Variants in RNF13 observed in about 807,000 individuals in gnomAD.
The protein encoded by RNF13 is E3 ubiquitin-protein ligase RNF13.
A neutral mutation model predicts 37.7 loss-of-function variants in RNF13; 19 were observed. The observed-to-expected ratio is 0.50, with a 90% confidence interval of 0.35 to 0.74. The LOEUF is 0.74. Ranked by LOEUF, RNF13 falls within the 30% of genes least tolerant of loss-of-function variation. The pLI is 0.01. For missense variants in RNF13, 375 were observed against 453.0 expected, an observed-to-expected ratio of 0.83 and a Z score of 1.56; for synonymous variants, 144 against 157.8, an observed-to-expected ratio of 0.91 and a Z score of 0.65.
intron 4 of RNF13, among the ~76,000 whole-genome samples, chr3:149,873,921 TA>T (rs1185060016): frequency 6.6e-6 from 1 of 152,198 alleles, no homozygotes; most frequent in Non-Finnish European, 1.5e-5. Flanking sequence ...CAATTTGTAT[TA>T]TAGTGTGTGG....
intron 3 of RNF13, among the ~76,000 whole-genome samples, chr3:149,855,371 C>T (rs1014964316): frequency 6.6e-6 from 1 of 151,242 alleles, no homozygotes; most frequent in African/African-American, 2.4e-5. Flanking sequence ...CCTACTTCTT[C>T]TGTTTTAGAA....
At chr3:149,951,125 T>C (rs1304034292) in intron 8 of RNF13, among the ~76,000 whole-genome samples, 2 of 152,090 alleles carry the variant, frequency 1.3e-5, no homozygotes, top group African/African-American at 4.8e-5. Flanking sequence ...CCTGGAAGTG[T>C]TTTAACTCTC....
chr3:149,948,908 G>A (rs1173562035), intron 8 of RNF13, among the ~76,000 whole-genome samples: 2 of 152,004 alleles, frequency 1.3e-5, no homozygotes, highest in Admixed American at 1.3e-4. Flanking sequence ...AGTGCCTGTG[G>A]TCCCAACTAC....
At chr3:149,856,404 A>C (rs1200343548) in intron 3 of RNF13, among the ~76,000 whole-genome samples, 1 of 152,146 alleles carries the variant, frequency 6.6e-6, no homozygotes, top group African/African-American at 2.4e-5. Flanking sequence ...AACTAATTTA[A>C]AGATATAATA....
At chr3:149,902,559 A>T (rs968534282) in intron 6 of RNF13, among the ~76,000 whole-genome samples, 2 of 152,112 alleles carry the variant, frequency 1.3e-5, no homozygotes, top group Admixed American at 6.5e-5. Context: ...GTGTTAAGGG[A>T]CTAACATTTA....
intron 1 of RNF13, among the ~76,000 whole-genome samples, chr3:149,823,844 T>C (rs1032269534): frequency 6.6e-6 from 1 of 152,218 alleles, no homozygotes; most frequent in Non-Finnish European, 1.5e-5. Context: ...TTGAAGTAGC[T>C]ACGGAGTTAA....
intron 5 of RNF13, among the ~76,000 whole-genome samples, chr3:149,896,291 TATTG>T (rs935579137): frequency 1.3e-5 from 2 of 152,184 alleles, no homozygotes; most frequent in African/African-American, 4.8e-5. Context: ...TATTAAGTCC[TATTG>T]ATTCATATTT....
intron 6 of RNF13, among the ~76,000 whole-genome samples, chr3:149,903,973 A>ATCTG: frequency 8.7e-6 from 1 of 114,602 alleles, no homozygotes; most frequent in South Asian, 2.8e-4. Flanking sequence ...CTGTCTGTCT[A>ATCTG]TCTATCTACC....
At chr3:149,850,864 G>A (rs868555074) in intron 2 of RNF13, among the ~76,000 whole-genome samples, 28 of 152,236 alleles carry the variant, frequency 1.8e-4, no homozygotes, top group Middle Eastern at 3.4e-3. Flanking sequence ...TTGTGATAAT[G>A]GGTTTAAAAG....
chr3:149,948,234 C>T (rs1720967560), intron 8 of RNF13, among the ~76,000 whole-genome samples: 1 of 152,152 alleles, frequency 6.6e-6, no homozygotes, highest in Non-Finnish European at 1.5e-5. Context: ...CAGGTGTGAG[C>T]CACCGTGCCT....
intron 8 of RNF13, among the ~76,000 whole-genome samples, chr3:149,954,722 T>C (rs1434229106): frequency 7.2e-5 from 11 of 152,206 alleles, no homozygotes; most frequent in Admixed American, 2.0e-4. Flanking sequence ...TGCTGATTAA[T>C]AGTTAAATGA....
intron 6 of RNF13, among the ~76,000 whole-genome samples, chr3:149,904,458 G>A (rs1357352859): frequency 2.0e-5 from 3 of 152,134 alleles, no homozygotes; most frequent in African/African-American, 4.8e-5. Context: ...TCAACTCACT[G>A]CAACCTCTGC....
chr3:149,865,344 A>ATATATATATATATATATATATAT (rs1724705936), intron 3 of RNF13, among the ~76,000 whole-genome samples: 2 of 141,402 alleles, frequency 1.4e-5, no homozygotes, highest in African/African-American at 5.1e-5. Flanking sequence ...ATATATATAT[A>ATATATATATATATATATATATAT]TATATATGTA....
At chr3:149,865,284 A>G (rs1240104279) in intron 3 of RNF13, among the ~76,000 whole-genome samples, 1 of 149,692 alleles carries the variant, frequency 6.7e-6, no homozygotes, top group Non-Finnish European at 1.5e-5. Context: ...CAAAGGGGCT[A>G]ACCCTTTCAA....
chr3:149,916,475 A>G (rs1272228091), intron 7 of RNF13, among the ~76,000 whole-genome samples: 1 of 152,206 alleles, frequency 6.6e-6, no homozygotes, highest in Non-Finnish European at 1.5e-5. Flanking sequence ...GGGTCTGCAG[A>G]TTCATCAGTA....
rs1330897671 is a variant in RNF13, at chr3:149,941,419, C to T, written c.701-18637C>T. Among the ~76,000 whole-genome samples, 4 of 151,954 alleles carry T rather than the reference C, an allele frequency of 2.6e-5. No homozygotes were observed. The East Asian group carries it at 7.7e-4, about 29-fold the overall frequency. ...GTCGATATCTCATTGTTTTGATTTG[C>T]ATTTCCCTGATGATTAGTGATGATG... On this transcript the variant is annotated intron_variant, in intron 8 of 9. Coordinates refer to ENST00000392894, the MANE Select transcript of RNF13 (RefSeq NM_183381.3).
At chr3:149,942,464 A>G (rs1261662279) in intron 8 of RNF13, among the ~76,000 whole-genome samples, 1 of 151,990 alleles carries the variant, frequency 6.6e-6, no homozygotes, top group East Asian at 1.9e-4. Flanking sequence ...TAGTAAATGG[A>G]ATTGTTTTCT....
At chr3:149,849,930 G>C (rs994216309) in intron 2 of RNF13, among the ~76,000 whole-genome samples, 1 of 151,754 alleles carries the variant, frequency 6.6e-6, no homozygotes, top group South Asian at 2.1e-4. Context: ...AAACTTATGT[G>C]GTAATCACTA....
chr3:149,919,790 G>A (rs1717934815), intron 7 of RNF13, among the ~76,000 whole-genome samples: 1 of 152,176 alleles, frequency 6.6e-6, no homozygotes, highest in East Asian at 1.9e-4. Flanking sequence ...CAGGATAAAT[G>A]TGTGTTTAGA....
Sources: gnomAD v4.1 joint callset for allele counts (sites outside exome capture counted in the v4.1 genomes callset) on GRCh38, gnomAD v4.1.1 for gene constraint, MANE v1.5 for transcripts, NCBI Gene and HGNC (gene_info 2026-07-23, HGNC 2026-07-21) for gene names.